TLCD3B: variants seen among roughly 807,000 people sequenced by gnomAD.
TLCD3B encodes ceramide synthase.
A neutral mutation model predicts 23.0 loss-of-function variants in TLCD3B; 9 were observed. The ratio of observed to expected loss-of-function variants is 0.39; its 90% CI spans 0.24 to 0.68. TLCD3B has a LOEUF of 0.68. TLCD3B is among the 30% of genes least tolerant of loss of function. The pLI is 0.44. For missense variants in TLCD3B, 307 were observed against 371.8 expected, an observed-to-expected ratio of 0.83 and a Z score of 1.43; for synonymous variants, 161 against 161.0, an observed-to-expected ratio of 1.00 and a Z score of 0.00.
upstream of TLCD3B, chr16:30,036,155 C>A (rs2071469146): frequency 7.8e-6 from 10 of 1,287,308 alleles, no homozygotes; most frequent in Non-Finnish European, 1.0e-5. Context: ...CAGTCCTCAC[C>A]TCAGAGGGAC....
At chr16:30,038,627 G>A (rs536549614) in intron 3 of TLCD3B, among the ~76,000 whole-genome samples, 1 of 152,296 alleles carries the variant, frequency 6.6e-6, no homozygotes, top group East Asian at 1.9e-4. Flanking sequence ...GCATGTGCCT[G>A]TAATCCCAGC....
chr16:30,029,658 G>A lies in TLCD3B; in HGVS notation c.126-143C>T. On this transcript the variant is annotated intron_variant, in intron 1 of 4. Coordinates refer to ENST00000380495, the MANE Select transcript of TLCD3B (RefSeq NM_031478.6). This position sits in a 1 kb window ranked among gnomAD's most constrained non-coding sequence, Gnocchi z 4.6. Reference sequence around the variant, plus strand: ...CTTGCCTGCCTTCGCCCAAGGCTGGGCTGCCTGAGGTGTGCCCCACCACAG... The same window carrying A: ...CTTGCCTGCCTTCGCCCAAGGCTGGACTGCCTGAGGTGTGCCCCACCACAG... 1.4e-6 allele frequency: 1 copy of A among 716,836 alleles called. No homozygotes were observed. Among genetic ancestry groups the A allele is most frequent in the South Asian group, 1.7e-5 (1 of 59,744 alleles). The allele number at this position is 716,836 out of a possible 1,614,324, so 44.4% of individuals were successfully genotyped here. A position where few individuals can be genotyped will look rare whatever the true frequency, so the allele number is the denominator to read the frequency against.
chr16:30,046,024 C>T (rs928089403), intron 2 of TLCD3B, among the ~76,000 whole-genome samples: 4 of 151,974 alleles, frequency 2.6e-5, no homozygotes, highest in Non-Finnish European at 5.9e-5. Context: ...GTGAGAGGAT[C>T]GCTTGAGCTA....
rs761282987 is a variant in TLCD3B, at chr16:30,030,384, G to A, written c.125+19C>T. ...GCCCAAGAAGCAGACAGGGGCTGAG[G>A]GGAAAGAAAGTGGTTTACCTGGCTG... is the stretch of plus-strand genomic sequence containing the variant. On this transcript the variant is annotated intron_variant, in intron 1 of 4. Coordinates refer to ENST00000380495, the MANE Select transcript of TLCD3B (RefSeq NM_031478.6). The A allele has an allele frequency of 2.6e-6, 4 of 1,547,286 alleles. No homozygotes were observed. The East Asian group carries it at 6.8e-5, about 26-fold the overall frequency.
At chr16:30,026,504 TG>T in intron 3 of TLCD3B, 104 bp downstream of exon 3, 1 of 952,232 alleles carries the variant, frequency 1.1e-6, no homozygotes, top group Non-Finnish European at 1.6e-6. Flanking sequence ...TGGGTCTGCT[TG>T]GTTGTCAGTA....
Position 30,030,497 on chromosome 16 carries a change from C to T in TLCD3B, c.31G>A (p.Val11Met). Residue 11 changes from valine to methionine, a missense_variant, in exon 1 of 5, where the codon GTG (valine) becomes ATG (methionine). Val to Met is a conservative substitution (Grantham distance 21). Coordinates refer to ENST00000380495, the MANE Select transcript of TLCD3B (RefSeq NM_031478.6). ...GAGAGGAGGAAGAGTCCGGGGAACA[C>T]CACCCCCCCGGCCACCATCGGGGTC... MLTPMVAGGV[V>M]FPGLFLLSKN... The T allele has an allele frequency of 6.3e-7, 1 of 1,597,240 alleles. No individual in the cohort carries two copies. Among genetic ancestry groups the T allele is most frequent in the South Asian group, 1.1e-5 (1 of 89,050 alleles).
chr16:30,028,073 C>A (rs944340278), intron 2 of TLCD3B, among the ~76,000 whole-genome samples: 1 of 152,138 alleles, frequency 6.6e-6, no homozygotes, highest in Non-Finnish European at 1.5e-5. Flanking sequence ...GGAGGGGCAG[C>A]TGTAGAGAAC....
intron 2 of TLCD3B, among the ~76,000 whole-genome samples, chr16:30,041,818 C>A (rs576826594): frequency 1.3e-5 from 2 of 151,800 alleles, no homozygotes; most frequent in African/African-American, 2.4e-5. Flanking sequence ...TGCACCCACA[C>A]GTTGAATGGA....
chr16:30,025,247 C>T lies in TLCD3B; in HGVS notation c.761G>A (p.Arg254His), dbSNP rs367744777. Reference protein sequence around the residue: ...PQLYWFFLICRGACRLFWPRS... With the variant: ...PQLYWFFLICHGACRLFWPRS... ...GGGCCAGAAGAGGCGGCAGGCCCCA[C>T]GGCAGATGAGGAAGAACCAGTAGAG... Residue 254 changes from arginine (R) to histidine (H), a missense_variant, in exon 5 of 5, where the codon CGT becomes CAT. Coordinates refer to ENST00000380495, the MANE Select transcript of TLCD3B (RefSeq NM_031478.6). This position sits in a 1 kb window ranked among gnomAD's most constrained non-coding sequence, Gnocchi z 4.1. 2.3e-5 allele frequency: 35 copies of T among 1,534,008 alleles called. No individual in the cohort carries two copies. The highest frequency in any genetic ancestry group is 3.6e-5 in the South Asian group (3 of 82,644).
chr16:30,047,912 C>T (rs956831012), intron 1 of TLCD3B, among the ~76,000 whole-genome samples: 2 of 150,698 alleles, frequency 1.3e-5, no homozygotes, highest in South Asian at 2.1e-4. Context: ...GAGGCCAAGG[C>T]GGGTGAATTA....
intron 2 of TLCD3B, among the ~76,000 whole-genome samples, chr16:30,045,415 T>C: frequency 7.0e-6 from 1 of 142,756 alleles, no homozygotes; most frequent in African/African-American, 2.6e-5. Context: ...GTGTGTGGTG[T>C]GTTTGTGTAG....
rs2071706052 is a variant in TLCD3B, at chr16:30,048,500, G to T, written c.-293-2113C>A. ...CAGAAAGCCCTGCCAGTCCCTGAGGGTTATCCCCACTTTCCACATGAGTAC... is the reference window on the plus strand; with the variant it reads ...CAGAAAGCCCTGCCAGTCCCTGAGGTTTATCCCCACTTTCCACATGAGTAC... On this transcript the variant is annotated intron_variant, in intron 1 of 6. Coordinates refer to the TLCD3B transcript ENST00000561666. Among the ~76,000 whole-genome samples the T allele has an allele frequency of 2.0e-5, 3 of 152,104 alleles. No individual in the cohort carries two copies. The South Asian group carries it at 6.2e-4, about 32-fold the overall frequency.
upstream of TLCD3B, chr16:30,035,194 G>A (rs2071444255): frequency 3.7e-6 from 3 of 821,794 alleles, no homozygotes; most frequent in Non-Finnish European, 5.0e-6. Context: ...TTATAGGCGT[G>A]AGCCACCACG....
At chr16:30,026,912 CAG>C in intron 2 of TLCD3B, 69 bp from the exon 3 acceptor site, 1 of 1,337,784 alleles carries the variant, frequency 7.5e-7, no homozygotes, top group Non-Finnish European at 1.1e-6. Flanking sequence ...GGTCAGATCT[CAG>C]GGGTCAGCAC....
intron 2 of TLCD3B, among the ~76,000 whole-genome samples, chr16:30,041,346 G>T (rs927591940): frequency 1.1e-4 from 17 of 151,732 alleles, no homozygotes; most frequent in Admixed American, 3.9e-4. Context: ...CACAATCTCA[G>T]CTCACTACAA....
upstream of TLCD3B, chr16:30,032,865 C>T (rs1421254158): frequency 6.6e-6 from 1 of 152,032 alleles, no homozygotes; most frequent in Non-Finnish European, 1.5e-5. Context: ...CCAGGCTGGT[C>T]TCAAACTCCT....
rs932806928 is a variant in TLCD3B, at chr16:30,036,487, G to C, written c.-66-273C>G. ...TCCTGCCATCCTGCCTTCCTGAAGT[G>C]TCTTCCAAGGGACCTTCTCGGGATA... On this transcript the variant is annotated intron_variant, in intron 3 of 6. Transcript: ENST00000561666. 6 of 1,119,792 alleles carry C rather than the reference G, an allele frequency of 5.4e-6. No homozygotes were observed. The African/African-American group carries it at 9.8e-5, about 18-fold the overall frequency. 69.4% of individuals were successfully genotyped at this position (1,119,792 alleles called of 1,614,324 possible).
upstream of TLCD3B, chr16:30,035,544 C>G: frequency 7.9e-7 from 1 of 1,268,014 alleles, no homozygotes; most frequent in Non-Finnish European, 1.0e-6. Flanking sequence ...CCCTCAGACC[C>G]CCCAGCAGCC....
intron 3 of TLCD3B, among the ~76,000 whole-genome samples, chr16:30,038,838 G>C (rs1163373187): frequency 6.6e-6 from 1 of 152,080 alleles, no homozygotes; most frequent in Non-Finnish European, 1.5e-5. Context: ...CTGCACCTCT[G>C]TTTTACAGAT....
Sources: allele counts gnomAD v4.1 joint callset (sites outside exome capture counted in the v4.1 genomes callset), GRCh38; gene constraint gnomAD v4.1.1; non-coding constraint Gnocchi (gnomAD v3.1); transcripts MANE v1.5; gene names NCBI Gene and HGNC (gene_info 2026-07-23, HGNC 2026-07-21).